Variants in VPS41 observed in about 807,000 individuals in gnomAD.
VPS41 encodes the protein vacuolar protein sorting-associated protein 41 homolog.
A neutral mutation model predicts 130.9 loss-of-function variants in VPS41; 85 were observed. The ratio of observed to expected loss-of-function variants is 0.65; its 90% confidence interval spans 0.55 to 0.78. The LOEUF is 0.78. Ranked by LOEUF, VPS41 falls within the 30% of genes least tolerant of loss-of-function variation. VPS41 has a pLI of 0.00. For missense variants in VPS41, 874 were observed against 1,018.7 expected (o/e 0.86, Z 1.93); for synonymous variants, 335 against 332.9 (o/e 1.01, Z -0.07).
chr7:38,757,119 C>G (rs1325748938), intron 18 of VPS41, 137 bp from the exon 19 acceptor site: 7 of 691,806 alleles, frequency 1.0e-5, no homozygotes, highest in Non-Finnish European at 1.6e-5. Context: ...AAAAAATATT[C>G]CTATTTTTGA....
At chr7:38,826,630 A>T (rs549864457) in intron 5 of VPS41, among the ~76,000 whole-genome samples, 2 of 152,122 alleles carry the variant, frequency 1.3e-5, no homozygotes, top group Non-Finnish European at 2.9e-5. Flanking sequence ...ATAATTAAGT[A>T]GGTACTGTTA....
intron 3 of VPS41, among the ~76,000 whole-genome samples, chr7:38,867,493 C>T (rs1389514595): frequency 2.0e-5 from 3 of 151,566 alleles, no homozygotes; most frequent in Non-Finnish European, 4.4e-5. Flanking sequence ...TGCAGTGAGC[C>T]CAGATTGCGC....
At chr7:38,748,214 C>A (rs1029401111) in intron 22 of VPS41, among the ~76,000 whole-genome samples, 1 of 152,046 alleles carries the variant, frequency 6.6e-6, no homozygotes, top group African/African-American at 2.4e-5. Flanking sequence ...ACAACACATG[C>A]GCGCGCGTGC....
At chr7:38,749,768 G>A (rs919573204) in intron 22 of VPS41, among the ~76,000 whole-genome samples, 5 of 152,164 alleles carry the variant, frequency 3.3e-5, no homozygotes, top group African/African-American at 9.7e-5. Context: ...TTTGTCATTC[G>A]CAAATTGGTA....
At chr7:38,900,175 C>T (rs1019065) in intron 1 of VPS41, among the ~76,000 whole-genome samples, 96,996 of 151,960 alleles carry the variant, frequency 0.64, 32,250 homozygotes, top group East Asian at 0.9. Context: ...AAGAATCACT[C>T]GAGCCCAGCA....
chr7:38,750,090 T>C (rs1796063425), intron 22 of VPS41, among the ~76,000 whole-genome samples: 1 of 152,168 alleles, frequency 6.6e-6, no homozygotes, highest in Admixed American at 6.5e-5. Flanking sequence ...GGTCTCAAAC[T>C]CCTGGCCCAA....
intron 7 of VPS41, among the ~76,000 whole-genome samples, chr7:38,815,198 CTGATCACCTGAAGTCAGGAGTT>C (rs1481898041): frequency 2.0e-5 from 3 of 152,166 alleles, no homozygotes. Flanking sequence ...CCGAGGTGGG[CTGATCACCTGAAGTCAGGAGTT>C]TGAGACCAGC....
chr7:38,891,006 T>A (rs7788663), intron 2 of VPS41, among the ~76,000 whole-genome samples: 141,723 of 152,078 alleles, frequency 0.93, 66,179 homozygotes, highest in East Asian at 1. Flanking sequence ...GACTTTTTTT[T>A]AAATTTAATA....
intron 12 of VPS41, 110 bp from the exon 13 acceptor site, chr7:38,772,747 T>C: frequency 1.6e-6 from 1 of 627,948 alleles, no homozygotes; most frequent in Non-Finnish European, 2.8e-6. Flanking sequence ...ACAGAAAATG[T>C]GTCTATCTTT....
intron 2 of VPS41, among the ~76,000 whole-genome samples, chr7:38,874,976 G>A (rs1236596787): frequency 6.6e-6 from 1 of 152,112 alleles, no homozygotes; most frequent in African/African-American, 2.4e-5. Context: ...TCAATTTGTA[G>A]AAGCCCTATG....
intron 22 of VPS41, among the ~76,000 whole-genome samples, chr7:38,748,857 T>G (rs1235276106): frequency 6.6e-6 from 1 of 152,092 alleles, no homozygotes; most frequent in African/African-American, 2.4e-5. Flanking sequence ...TCCCTCAACT[T>G]ATTAGCTCTA....
At chr7:38,884,870 C>G (rs962456554) in intron 2 of VPS41, among the ~76,000 whole-genome samples, 1 of 152,180 alleles carries the variant, frequency 6.6e-6, no homozygotes, top group Admixed American at 6.5e-5. Flanking sequence ...CTTCTCTTTC[C>G]TTAACACTCC....
intron 4 of VPS41, among the ~76,000 whole-genome samples, chr7:38,852,157 C>A (rs1005918035): frequency 6.6e-6 from 1 of 152,072 alleles, no homozygotes; most frequent in Non-Finnish European, 1.5e-5. Context: ...AAGCATGCAA[C>A]CACAGGGGGA....
intron 25 of VPS41, among the ~76,000 whole-genome samples, chr7:38,734,542 C>T (rs1197215703): frequency 6.6e-6 from 1 of 152,188 alleles, no homozygotes; most frequent in African/African-American, 2.4e-5. Flanking sequence ...GCCTTATCTT[C>T]CCCCTTTCTC....
intron 10 of VPS41, among the ~76,000 whole-genome samples, chr7:38,787,167 A>C (rs1418905633): frequency 6.6e-6 from 1 of 152,208 alleles, no homozygotes; most frequent in East Asian, 1.9e-4. Context: ...AAAATTCCAC[A>C]TGAAATTAAG....
chr7:38,867,482 T>G (rs894974031), intron 3 of VPS41, among the ~76,000 whole-genome samples: 1 of 151,376 alleles, frequency 6.6e-6, no homozygotes, highest in African/African-American at 2.4e-5. Flanking sequence ...GAGGCGGAGG[T>G]TGCAGTGAGC....
At chr7:38,790,584 G>A (rs577334627) in intron 9 of VPS41, among the ~76,000 whole-genome samples, 1 of 152,318 alleles carries the variant, frequency 6.6e-6, no homozygotes, top group Non-Finnish European at 1.5e-5. Context: ...TGCAAATGCA[G>A]TGATGTGTAG....
intron 10 of VPS41, among the ~76,000 whole-genome samples, chr7:38,783,110 A>G (rs1463242366): frequency 6.6e-6 from 1 of 152,120 alleles, no homozygotes; most frequent in Non-Finnish European, 1.5e-5. Context: ...CCTGGGTGAT[A>G]GAGCGAGACT....
At chr7:38,783,398 G>A (rs533479702) in intron 10 of VPS41, among the ~76,000 whole-genome samples, 1 of 152,178 alleles carries the variant, frequency 6.6e-6, no homozygotes, top group South Asian at 2.1e-4. Flanking sequence ...AGCCAAGCGT[G>A]GTGGCAGGCG....
Sources: allele counts gnomAD v4.1 joint callset (sites outside exome capture counted in the v4.1 genomes callset), GRCh38; gene constraint gnomAD v4.1.1; transcripts MANE v1.5; gene names NCBI Gene and HGNC (gene_info 2026-07-23, HGNC 2026-07-21).